The following ATG2B variants were observed in gnomAD, a reference collection of about 807,000 sequenced individuals.
The protein encoded by ATG2B is autophagy related 2B, also known as autophagy-related protein 2 homolog B.
ATG2B carries 121 observed loss-of-function variants against 241.3 expected under a neutral mutation model. The ratio of observed to expected loss-of-function variants is 0.50; its 90% confidence interval spans 0.43 to 0.58. The LOEUF (loss-of-function observed/expected upper bound fraction) is 0.58, where lower values mean the gene tolerates loss of function less well. ATG2B is among the 20% of genes least tolerant of loss of function. ATG2B has a pLI of 0.00. For missense variants in ATG2B, 2,306 were observed against 2,491.6 expected, an observed-to-expected ratio of 0.93 and a Z score of 1.59; for synonymous variants, 858 against 876.6, an observed-to-expected ratio of 0.98 and a Z score of 0.37.
Position 96,331,474 on chromosome 14 carries a change from A to G in ATG2B, c.1632T>C (p.Phe544=). The part of the protein sequence containing the change: ...NPLTPMAVAF[F]TCIEKIDPAR... ...CTGGATCAATCTTTTCTATACAAGTAAAGAAAGCTACTGCCATAGGTGTCA... is the reference window on the plus strand; with the variant it reads ...CTGGATCAATCTTTTCTATACAAGTGAAGAAAGCTACTGCCATAGGTGTCA... The change falls in exon 11 of 42, where the codon TTT becomes TTC. Residue 544 remains phenylalanine (F), a synonymous_variant. Transcript: ENST00000359933. 6.2e-7 allele frequency: 1 copy of G among 1,614,106 alleles called. No homozygotes were observed. The highest frequency in any genetic ancestry group is 8.5e-7 in the Non-Finnish European group (1 of 1,179,992).
chr14:96,341,621 T>C lies in ATG2B; in HGVS notation c.825A>G (p.Pro275=). The C allele has an allele frequency of 1.2e-6, 2 of 1,603,738 alleles. No individual in the cohort carries two copies. Among genetic ancestry groups the C allele is most frequent in the African/African-American group, 1.3e-5 (1 of 74,862 alleles). ...GCACTGGGTCAGAAGGTGCTATCTC[T>C]GGTAAATTTCTAGTTAGCTGTGGGT... The part of the protein sequence containing the change: ...EPHPQLTRNL[P]EIAPSDPVQI... The change falls in exon 6 of 42, where the codon CCA becomes CCG. Residue 275 remains proline (P), a synonymous_variant. Coordinates refer to ENST00000359933, the MANE Select transcript of ATG2B (RefSeq NM_018036.7).
In ATG2B at chr14:96,322,542, G is replaced by T. The variant is rs759984126; in HGVS notation, c.2734C>A (p.Gln912Lys). Residue 912 changes from glutamine to lysine, a missense_variant and splice_region_variant, in exon 17 of 42, where the codon CAG becomes AAG. Physicochemically the swap from Gln to Lys is moderately conservative, Grantham distance 53 (BLOSUM62 1). Around this residue, in one of 2 missense-constraint regions of ATG2B, gnomAD observed 1,927 missense variants for 2,011.2 expected, o/e 0.96. Coordinates refer to ENST00000359933, the MANE Select transcript of ATG2B (RefSeq NM_018036.7). ...TTGTAGCTTGCTCACACTTTTACCT[G>T]TTCATTTTCAAACATTACTCTACGA... is the stretch of plus-strand genomic sequence containing the variant. ...SSRRVMFENE[Q>K]MVMPGDPVEM... 1.2e-6 allele frequency: 2 copies of T among 1,609,974 alleles called. No individual in the cohort carries two copies. Among genetic ancestry groups the T allele is most frequent in the Admixed American group, 1.7e-5 (1 of 59,632 alleles).
rs1229536578 is a variant in ATG2B, at chr14:96,328,347, C to G, written c.2163G>C (p.Leu721=). Residue 721 remains leucine, a splice_region_variant and synonymous_variant, in exon 14 of 42, where the codon CTG becomes CTC. Transcript: ENST00000359933. ...GTATTTGCAGCTTTTGAATACTTAC[C>G]AGACTAATATGTTTATTATATGAAG... ...MYTSYNKHIS[L]HKAFTEVFLD... The G allele has an allele frequency of 1.9e-6, 3 of 1,592,184 alleles. No individual in the cohort carries two copies. Among genetic ancestry groups the G allele is most frequent in the South Asian group, 2.3e-5 (2 of 87,534 alleles).
At chr14:96,359,610 C>A (rs1239865448) in intron 1 of ATG2B, among the ~76,000 whole-genome samples, 1 of 152,138 alleles carries the variant, frequency 6.6e-6, no homozygotes, top group Non-Finnish European at 1.5e-5. Context: ...GTCATTAAAT[C>A]CAACTTCCCA....
At chr14:96,319,575 C>T (rs1427636091) in intron 18 of ATG2B, among the ~76,000 whole-genome samples, 1 of 151,554 alleles carries the variant, frequency 6.6e-6, no homozygotes, top group Non-Finnish European at 1.5e-5. Flanking sequence ...ATAACTCCTG[C>T]TCAGAAAAAA....
At position 96,290,442 on chromosome 14, in the gene ATG2B, G is replaced by T. The variant is rs759045775; in HGVS notation, c.5850C>A (p.Thr1950=). The change falls in exon 40 of 42, where the codon ACC becomes ACA. Residue 1950 remains threonine, a synonymous_variant. Transcript: ENST00000359933. The surrounding 1 kb of genome is among the most constrained non-coding windows in gnomAD (Gnocchi z 4.4). ...ALELTNRMVQ[T]IQAAAETAYD... ...AGGCAGTCTAAAAAGATACCTGTAT[G>T]GTTTGAACCATTCTGTTTGTGAGTT... 92 of 1,613,992 alleles carry T rather than the reference G, an allele frequency of 5.7e-5. No homozygotes were observed. The South Asian group carries it at 9.6e-4, about 17-fold the overall frequency.
intron 32 of ATG2B, among the ~76,000 whole-genome samples, chr14:96,303,999 T>C (rs1420901057): frequency 6.6e-6 from 1 of 152,232 alleles, no homozygotes; most frequent in Admixed American, 6.5e-5. Flanking sequence ...TATCCTAAAA[T>C]ATGACACTTG....
At chr14:96,306,693 A>C in intron 30 of ATG2B, 21 bp downstream of exon 30, 1 of 1,603,086 alleles carries the variant, frequency 6.2e-7, no homozygotes, top group Non-Finnish European at 8.5e-7. Flanking sequence ...CAAGGCTTCA[A>C]TAATGTTATT....
At chr14:96,323,856 A>C in intron 16 of ATG2B, 40 bp downstream of exon 16, 1 of 1,302,246 alleles carries the variant, frequency 7.7e-7, no homozygotes, top group Non-Finnish European at 1.1e-6. Flanking sequence ...TTTATTTTTA[A>C]AAGGAAAATC....
chr14:96,303,859 AATT>A (rs1170684212), intron 32 of ATG2B, among the ~76,000 whole-genome samples: 1 of 152,182 alleles, frequency 6.6e-6, no homozygotes, highest in African/African-American at 2.4e-5. Context: ...TAAGACATAA[AATT>A]ATTATCTTGC....
At chr14:96,360,824 T>A (rs1172506238) in intron 1 of ATG2B, among the ~76,000 whole-genome samples, 2 of 151,050 alleles carry the variant, frequency 1.3e-5, no homozygotes, top group African/African-American at 2.4e-5. Flanking sequence ...CTGGGTCCTA[T>A]GGCTCATGCC....
At chr14:96,323,399 T>A (rs1887508018) in intron 16 of ATG2B, among the ~76,000 whole-genome samples, 1 of 152,182 alleles carries the variant, frequency 6.6e-6, no homozygotes, top group Admixed American at 6.5e-5. Context: ...GATTACCACA[T>A]CCACCCATTG....
At position 96,323,795 on chromosome 14, in the gene ATG2B, G is replaced by A. The variant is rs1286767613; in HGVS notation, c.2540+101C>T. 5.1e-6 allele frequency: 4 copies of A among 779,518 alleles called. No individual in the cohort carries two copies. The Admixed American group carries it at 9.6e-5, about 19-fold the overall frequency. 48.3% of individuals were successfully genotyped at this position (779,518 alleles called of 1,614,324 possible). On this transcript the variant is annotated intron_variant, in intron 16 of 41. Coordinates refer to ENST00000359933, the MANE Select transcript of ATG2B (RefSeq NM_018036.7). The stretch of plus-strand genomic sequence containing the variant: ...TATGAACCACAAAAGAATCAAGGAT[G>A]GACATGTTTAGCTTATATTTAATAG...
intron 28 of ATG2B, 48 bp downstream of exon 28, chr14:96,311,069 C>A (rs1346142331): frequency 1.3e-5 from 19 of 1,500,944 alleles, no homozygotes; most frequent in Non-Finnish European, 1.7e-5. Context: ...ATAATGTAAA[C>A]ATGTCACGAC....
At chr14:96,342,439 G>A (rs761082346) in intron 5 of ATG2B, among the ~76,000 whole-genome samples, 6 of 152,024 alleles carry the variant, frequency 3.9e-5, no homozygotes, top group Non-Finnish European at 7.4e-5. Flanking sequence ...AAACATAAAT[G>A]GGCCAGACGT....
intron 4 of ATG2B, among the ~76,000 whole-genome samples, chr14:96,343,866 TAAC>T (rs1888106415): frequency 6.6e-6 from 1 of 152,248 alleles, no homozygotes; most frequent in African/African-American, 2.4e-5. Context: ...AAAGATCTGC[TAAC>T]AATAACTGTT....
chr14:96,337,909 T>C lies in ATG2B; in HGVS notation c.925-3408A>G, dbSNP rs149939966. On this transcript the variant is annotated intron_variant, in intron 6 of 41. Transcript: ENST00000359933. Reference sequence around the variant, plus strand: ...AATGCATTATTTCCATCCATGAGTATGGGATGTGTTTCCATTTGTTTGTGC... The same window carrying C: ...AATGCATTATTTCCATCCATGAGTACGGGATGTGTTTCCATTTGTTTGTGC... Among the ~76,000 whole-genome samples the C allele has an allele frequency of 4.4e-3, 676 of 152,324 alleles. 26 individuals carry two copies. In the South Asian group the frequency reaches 0.067, roughly 15 times the overall value.
In ATG2B at chr14:96,334,971, C is replaced by A. The variant is rs557982842; in HGVS notation, c.925-470G>T. ...AGCATGTAAGGACCTTCTCCTCCAA[C>A]ACTGTGCCTTCCCAGTACCTACTGT... On this transcript the variant is annotated intron_variant, in intron 6 of 41. Coordinates refer to ENST00000359933, the MANE Select transcript of ATG2B (RefSeq NM_018036.7). 5.3e-5 allele frequency among the ~76,000 whole-genome samples: 8 copies of A among 152,344 alleles called. No individual in the cohort carries two copies. In the South Asian group the frequency reaches 1.7e-3, roughly 32 times the overall value.
chr14:96,339,898 G>C (rs1361958161), intron 6 of ATG2B, among the ~76,000 whole-genome samples: 2 of 150,926 alleles, frequency 1.3e-5, no homozygotes, highest in Non-Finnish European at 3.0e-5. Context: ...AGAAAACAAA[G>C]GGACAACAAC....
Sources: allele counts gnomAD v4.1 joint callset (sites outside exome capture counted in the v4.1 genomes callset), GRCh38; gene constraint gnomAD v4.1.1; regional missense constraint gnomAD v4.1.1; non-coding constraint Gnocchi (gnomAD v3.1); transcripts MANE v1.5; gene names NCBI Gene and HGNC (gene_info 2026-07-23, HGNC 2026-07-21).